Variants in ABCC4 observed in about 807,000 individuals in gnomAD.
The protein encoded by ABCC4 is ATP binding cassette subfamily C member 4 (PEL blood group).
Under a neutral mutation model 168.5 loss-of-function variants are expected in ABCC4, and 102 were observed. That is an observed-to-expected ratio of 0.61 (90% confidence interval 0.52 to 0.71). The LOEUF (loss-of-function observed/expected upper bound fraction) is 0.71, where lower values mean the gene tolerates loss of function less well. Among genes scored for constraint, ABCC4 ranks in the 30% least tolerant of loss-of-function variants. ABCC4 has a pLI of 0.00. For missense variants in ABCC4, 1,402 were observed against 1,605.8 expected (o/e 0.87, Z 2.17); for synonymous variants, 617 against 590.7 (o/e 1.04, Z -0.65).
chr13:95,268,204 A>G (rs9584288), intron 1 of ABCC4, among the ~76,000 whole-genome samples: 57,560 of 152,088 alleles, frequency 0.38, 12,831 homozygotes, highest in African/African-American at 0.63. Flanking sequence ...TGATTTAATG[A>G]ATTTAAGGCT....
intron 19 of ABCC4, among the ~76,000 whole-genome samples, chr13:95,147,071 G>A (rs1265598693): frequency 6.6e-6 from 1 of 152,142 alleles, no homozygotes; most frequent in Non-Finnish European, 1.5e-5. Flanking sequence ...TCAGAGCTGA[G>A]GGCCTTTCTG....
At chr13:95,259,495 T>C (rs899493286) in intron 1 of ABCC4, among the ~76,000 whole-genome samples, 1 of 152,000 alleles carries the variant, frequency 6.6e-6, no homozygotes, top group African/African-American at 2.4e-5. Context: ...TGTCGTCCCG[T>C]GCACTGTAGG....
chr13:95,293,455 G>A (rs534838374), intron 1 of ABCC4, among the ~76,000 whole-genome samples: 175 of 152,040 alleles, frequency 1.2e-3, no homozygotes, highest in African/African-American at 4.0e-3. Context: ...CTGCAGCAGC[G>A]ACTGCTGGAC....
chr13:95,190,053 T>C (rs2139631057), intron 9 of ABCC4, among the ~76,000 whole-genome samples: 1 of 150,286 alleles, frequency 6.7e-6, no homozygotes, highest in South Asian at 2.1e-4. Flanking sequence ...AAAAAAAAAG[T>C]TGTTTTAGGC....
At chr13:95,268,854 C>G (rs1174733928) in intron 1 of ABCC4, among the ~76,000 whole-genome samples, 1 of 151,908 alleles carries the variant, frequency 6.6e-6, no homozygotes, top group Non-Finnish European at 1.5e-5. Flanking sequence ...GGCGCGGGTC[C>G]TGGCGCGGGT....
intron 4 of ABCC4, among the ~76,000 whole-genome samples, chr13:95,227,436 G>A (rs183215888): frequency 1.6e-4 from 25 of 152,248 alleles, no homozygotes; most frequent in Non-Finnish European, 3.2e-4. Flanking sequence ...AAATTTTAAC[G>A]TATTATGGAC....
At chr13:95,126,763 A>ATATATATT (rs2035788063) in intron 19 of ABCC4, among the ~76,000 whole-genome samples, 1 of 45,668 alleles carries the variant, frequency 2.2e-5, no homozygotes, top group East Asian at 7.1e-4. Flanking sequence ...ATTCCAAAAT[A>ATATATATT]TATATATATT....
chr13:95,167,211 T>TAAA (rs1380829292), intron 14 of ABCC4, among the ~76,000 whole-genome samples: 2 of 147,096 alleles, frequency 1.4e-5, no homozygotes, highest in African/African-American at 4.9e-5. Flanking sequence ...AATAAATAAA[T>TAAA]AAATAAATAA....
chr13:95,054,921 G>A (rs1252205252), intron 26 of ABCC4, among the ~76,000 whole-genome samples: 1 of 152,016 alleles, frequency 6.6e-6, no homozygotes, highest in African/African-American at 2.4e-5. Flanking sequence ...GGAAGAAATG[G>A]ATGTAGAAGG....
chr13:95,038,472 C>G (rs113013343), intron 29 of ABCC4, among the ~76,000 whole-genome samples: 1 of 151,098 alleles, frequency 6.6e-6, no homozygotes, highest in African/African-American at 2.4e-5. Context: ...CAGCAGAAGT[C>G]ACCTCTGGCC....
At chr13:95,053,543 C>CTA (rs2032927441) in intron 26 of ABCC4, among the ~76,000 whole-genome samples, 1 of 152,184 alleles carries the variant, frequency 6.6e-6, no homozygotes, top group African/African-American at 2.4e-5. Context: ...TAGAAATTAA[C>CTA]TATCAATCAT....
chr13:95,207,105 T>C (rs1020106831), intron 7 of ABCC4, among the ~76,000 whole-genome samples: 17 of 152,270 alleles, frequency 1.1e-4, no homozygotes, highest in Non-Finnish European at 1.9e-4. Context: ...CTCAGCTCAC[T>C]GCAACCTCCG....
intron 1 of ABCC4, among the ~76,000 whole-genome samples, chr13:95,250,526 A>G (rs767424553): frequency 6.6e-6 from 1 of 152,170 alleles, no homozygotes; most frequent in Non-Finnish European, 1.5e-5. Context: ...AAAATTCAAT[A>G]CAAACTCAAT....
chr13:95,162,899 A>G (rs999704032), intron 18 of ABCC4, among the ~76,000 whole-genome samples: 3 of 152,234 alleles, frequency 2.0e-5, no homozygotes, highest in Non-Finnish European at 4.4e-5. Context: ...ATCCTGGTTT[A>G]ACTTTCAAAA....
chr13:95,048,827 G>T (rs745993091), intron 27 of ABCC4, among the ~76,000 whole-genome samples: 1 of 152,096 alleles, frequency 6.6e-6, no homozygotes, highest in Non-Finnish European at 1.5e-5. Flanking sequence ...CAGAAATAAC[G>T]TGCTGCTGAT....
intron 27 of ABCC4, among the ~76,000 whole-genome samples, chr13:95,050,626 C>T (rs1049188147): frequency 1.3e-5 from 2 of 152,144 alleles, no homozygotes; most frequent in Non-Finnish European, 2.9e-5. Context: ...CACAGAAAAA[C>T]CTACAATGCC....
chr13:95,173,987 C>T (rs912385203), intron 13 of ABCC4, among the ~76,000 whole-genome samples: 4 of 152,194 alleles, frequency 2.6e-5, no homozygotes, highest in South Asian at 2.1e-4. Flanking sequence ...AAACAATTTT[C>T]TATTGTTTAT....
chr13:95,025,274 CACA>C (rs2031413009), intron 30 of ABCC4, among the ~76,000 whole-genome samples: 2 of 47,050 alleles, frequency 4.3e-5, no homozygotes, highest in African/African-American at 1.0e-4. Context: ...CCCACACCCC[CACA>C]CACACCCCCA....
At chr13:95,243,645 G>A (rs867296944) in intron 3 of ABCC4, among the ~76,000 whole-genome samples, 2 of 152,164 alleles carry the variant, frequency 1.3e-5, no homozygotes, top group African/African-American at 4.8e-5. Flanking sequence ...CCATTAATTT[G>A]GGAGGGCGAG....
Sources: allele counts gnomAD v4.1 joint callset (sites outside exome capture counted in the v4.1 genomes callset), GRCh38; gene constraint gnomAD v4.1.1; transcripts MANE v1.5; gene names NCBI Gene and HGNC (gene_info 2026-07-23, HGNC 2026-07-21).